The following NRG1 variants were observed in gnomAD, a reference collection of about 807,000 sequenced individuals.
NRG1 encodes neuregulin 1.
In NRG1, 18 loss-of-function variants were observed where a neutral mutation model predicts 63.8. The observed-to-expected ratio is 0.28, with a 90% CI of 0.19 to 0.42. The LOEUF is 0.42. Among genes scored for constraint, NRG1 ranks in the 10% least tolerant of loss-of-function variants. The pLI, the probability that NRG1 is intolerant of heterozygous loss-of-function variation, is 1.00. For missense variants in NRG1, 762 were observed against 814.7 expected, an observed-to-expected ratio of 0.94 and a Z score of 0.79; for synonymous variants, 302 against 301.3, an observed-to-expected ratio of 1.00 and a Z score of -0.02.
intron 1 of NRG1, among the ~76,000 whole-genome samples, chr8:32,146,010 G>A (rs967072166): frequency 2.6e-5 from 4 of 152,202 alleles, no homozygotes; most frequent in African/African-American, 9.7e-5. Flanking sequence ...AGCAGGGGCA[G>A]CTAGAGTCTA....
At chr8:32,159,540 C>CAA (rs10684266) in intron 1 of NRG1, among the ~76,000 whole-genome samples, 8,870 of 73,506 alleles carry the variant, frequency 0.12, 677 homozygotes, top group African/African-American at 0.25. Context: ...GACTCCGTCT[C>CAA]AAAAAAAAAA....
At chr8:32,032,607 C>G (rs1157017470) in intron 1 of NRG1, among the ~76,000 whole-genome samples, 1 of 152,124 alleles carries the variant, frequency 6.6e-6, no homozygotes, top group Non-Finnish European at 1.5e-5. Context: ...ATGTCCTTTG[C>G]CCACAATTGT....
intron 1 of NRG1, among the ~76,000 whole-genome samples, chr8:31,916,894 A>G (rs910491093): frequency 6.6e-6 from 1 of 151,688 alleles, no homozygotes; most frequent in African/African-American, 2.4e-5. Flanking sequence ...AATGATTGCC[A>G]TTGTAACTGG....
chr8:32,548,997 C>T (rs1588218870), intron 1 of NRG1, among the ~76,000 whole-genome samples, 171 bp downstream of exon 1: 1 of 152,206 alleles, frequency 6.6e-6, no homozygotes, highest in African/African-American at 2.4e-5. Flanking sequence ...GGGGCCGCCG[C>T]TCACCTGGGC....
At chr8:32,369,646 C>T (rs1808549809) in intron 1 of NRG1, among the ~76,000 whole-genome samples, 1 of 152,190 alleles carries the variant, frequency 6.6e-6, no homozygotes. Context: ...GTGAGGAGAT[C>T]ACCTTTATTA....
chr8:32,085,374 G>C (rs1015577085), intron 1 of NRG1, among the ~76,000 whole-genome samples: 1 of 152,132 alleles, frequency 6.6e-6, no homozygotes, highest in Non-Finnish European at 1.5e-5. Context: ...GCTTCTATGA[G>C]TTTGACTATT....
chr8:32,394,938 A>C (rs954642209), intron 1 of NRG1, among the ~76,000 whole-genome samples: 2 of 152,202 alleles, frequency 1.3e-5, no homozygotes, highest in African/African-American at 4.8e-5. Flanking sequence ...TCATGCTAAC[A>C]AAATGGTTTC....
chr8:32,455,788 C>A (rs777181262), intron 1 of NRG1, among the ~76,000 whole-genome samples: 96 of 152,070 alleles, frequency 6.3e-4, no homozygotes, highest in Non-Finnish European at 1.2e-3. Flanking sequence ...AATAAGGAAA[C>A]CTATTTATTT....
At chr8:31,927,995 T>TAAA (rs367890417) in intron 1 of NRG1, among the ~76,000 whole-genome samples, 4 of 139,740 alleles carry the variant, frequency 2.9e-5, no homozygotes, top group Non-Finnish European at 3.1e-5. Flanking sequence ...TAGGTATATT[T>TAAA]AAAAAAAAAA....
intron 1 of NRG1, among the ~76,000 whole-genome samples, chr8:32,469,702 C>T (rs1283910258): frequency 1.3e-5 from 2 of 152,096 alleles, no homozygotes; most frequent in African/African-American, 4.8e-5. Flanking sequence ...TGGGGTGAGA[C>T]CCTCAAGATT....
chr8:32,678,383 A>AGAT (rs1807733564), intron 5 of NRG1, among the ~76,000 whole-genome samples: 1 of 152,200 alleles, frequency 6.6e-6, no homozygotes. Context: ...CTGTGATCTA[A>AGAT]GATTGCTATC....
At chr8:32,355,264 G>T (rs1806215396) in intron 1 of NRG1, among the ~76,000 whole-genome samples, 1 of 152,040 alleles carries the variant, frequency 6.6e-6, no homozygotes, top group African/African-American at 2.4e-5. Flanking sequence ...TTCAAAACCA[G>T]CCTGGGCAAC....
At chr8:32,311,818 T>C (rs1856830239) in intron 1 of NRG1, among the ~76,000 whole-genome samples, 1 of 152,174 alleles carries the variant, frequency 6.6e-6, no homozygotes. Context: ...TTTTCCAAGG[T>C]GCATGGCTGC....
intron 1 of NRG1, among the ~76,000 whole-genome samples, chr8:31,644,844 T>C (rs1259448244): frequency 6.6e-6 from 1 of 152,140 alleles, no homozygotes; most frequent in African/African-American, 2.4e-5. Flanking sequence ...CTTTTATTTG[T>C]TTTAAATATG....
At chr8:32,672,294 T>G (rs1490390148) in intron 5 of NRG1, among the ~76,000 whole-genome samples, 1 of 152,192 alleles carries the variant, frequency 6.6e-6, no homozygotes, top group East Asian at 1.9e-4. Flanking sequence ...TCCACCCTCC[T>G]TGGCCTCCCA....
chr8:32,571,516 C>A (rs900080887), intron 1 of NRG1, among the ~76,000 whole-genome samples: 12 of 152,076 alleles, frequency 7.9e-5, no homozygotes, highest in African/African-American at 1.2e-4. Flanking sequence ...TCTCTTCCCA[C>A]CTCCCCAGCT....
At chr8:32,605,418 T>C in intron 2 of NRG1, 144 bp from the exon 3 acceptor site, 1 of 844,020 alleles carries the variant, frequency 1.2e-6, no homozygotes, top group Non-Finnish European at 1.8e-6. Flanking sequence ...TGAGGTCAGA[T>C]CAATGTAACG....
rs144999686 is a variant in NRG1, at chr8:31,700,414, A to G, written c.37+60983A>G. On this transcript the variant is annotated intron_variant, in intron 1 of 10. Coordinates refer to the NRG1 transcript ENST00000519301. ...CACCAAAGCCTAACCTAGGATGAGG[A>G]TGGTTTGTGTGGAGCTGGTGAAACT... Among the ~76,000 whole-genome samples the G allele has an allele frequency of 4.0e-4, 61 of 152,208 alleles. 1 individual carries two copies. In the East Asian group the frequency reaches 0.011, roughly 28 times the overall value.
chr8:32,655,663 A>AT (rs963567402), intron 5 of NRG1, among the ~76,000 whole-genome samples: 2 of 152,058 alleles, frequency 1.3e-5, no homozygotes, highest in Non-Finnish European at 2.9e-5. Context: ...TAAAAGGAGT[A>AT]TTTTTTCCCT....
Sources: allele counts gnomAD v4.1 joint callset (sites outside exome capture counted in the v4.1 genomes callset), GRCh38; gene constraint gnomAD v4.1.1; transcripts MANE v1.5; gene names NCBI Gene and HGNC (gene_info 2026-07-23, HGNC 2026-07-21).